Variants in ZNF519 observed in about 807,000 individuals in gnomAD.
ZNF519 encodes the protein zinc finger protein 519.
ZNF519 carries 7 observed loss-of-function variants against 7.4 expected under a neutral mutation model. That is an observed-to-expected ratio of 0.94 (90% CI 0.54 to 1.77). ZNF519 has a LOEUF of 1.77. ZNF519 is among the 40% of genes most tolerant of loss of function. The pLI, the probability that ZNF519 is intolerant of heterozygous loss-of-function variation, is 0.00. For missense variants in ZNF519, 586 were observed against 623.1 expected (o/e 0.94, Z 0.63); for synonymous variants, 179 against 203.3 (o/e 0.88, Z 1.02).
intron 2 of ZNF519, among the ~76,000 whole-genome samples, chr18:14,112,168 C>G (rs1036582946): frequency 1.3e-5 from 2 of 152,086 alleles, no homozygotes; most frequent in African/African-American, 4.8e-5. Flanking sequence ...TGCAAAGATA[C>G]TTCAACATAT....
Position 14,100,943 on chromosome 18 carries a change from T to C in ZNF519, c.*3974A>G, listed in dbSNP as rs905061312. 6.6e-6 allele frequency: 1 copy of C among 152,222 alleles called. No individual in the cohort carries two copies. The highest frequency in any genetic ancestry group is 6.5e-5 in the Admixed American group (1 of 15,270). The allele number at this position is 152,222 out of a possible 1,614,324, so 9.4% of individuals were successfully genotyped here. On this transcript the variant is annotated 3_prime_UTR_variant, in exon 3 of 3. Coordinates refer to ENST00000590202, the MANE Select transcript of ZNF519 (RefSeq NM_145287.4). The stretch of plus-strand genomic sequence containing the variant: ...AACCAATCTATTCCCTCAGCAGTGC[T>C]TTCTACAAGGCCAAGTCTGAAGTAC...
chr18:14,132,355 T>G lies in ZNF519; in HGVS notation c.-78A>C. 1 of 1,565,072 alleles carries G rather than the reference T, an allele frequency of 6.4e-7. No individual in the cohort carries two copies. Among genetic ancestry groups the G allele is most frequent in the Non-Finnish European group, 8.8e-7 (1 of 1,137,122 alleles). On this transcript the variant is annotated 5_prime_UTR_variant, in exon 1 of 3. Coordinates refer to ENST00000590202, the MANE Select transcript of ZNF519 (RefSeq NM_145287.4). ...GCAGGTCACAGAGCGACGGAGTGAG[T>G]GGCAGAATCACCGAAGTCTCCCGGA... is the stretch of plus-strand genomic sequence containing the variant.
chr18:14,088,421 T>A (rs1396612959), intron 2 of ZNF519, among the ~76,000 whole-genome samples: 2 of 152,184 alleles, frequency 1.3e-5, no homozygotes, highest in Non-Finnish European at 2.9e-5. Context: ...CACTTTACCA[T>A]CATATTCTTT....
At position 14,124,545 on chromosome 18, in the gene ZNF519, G is replaced by C. The variant is rs2046287344; in HGVS notation, c.4-69C>G. On this transcript the variant is annotated intron_variant, in intron 1 of 2. Transcript: ENST00000590202. Reference sequence around the variant, plus strand: ...GAGATGAAATGAGTTAAAATAACTAGTTCTGACTTATGTGGCTGACTAGGA... The same window carrying C: ...GAGATGAAATGAGTTAAAATAACTACTTCTGACTTATGTGGCTGACTAGGA... 13 of 1,547,760 alleles carry C rather than the reference G, an allele frequency of 8.4e-6. No homozygotes were observed. In the East Asian group the frequency reaches 2.9e-4, roughly 35 times the overall value.
At chr18:14,114,406 T>C (rs1474511678) in intron 2 of ZNF519, among the ~76,000 whole-genome samples, 1 of 152,202 alleles carries the variant, frequency 6.6e-6, no homozygotes, top group Non-Finnish European at 1.5e-5. Flanking sequence ...CTTTCCTCAA[T>C]ATATATTCTT....
At chr18:14,088,367 T>C (rs1003652569) in intron 2 of ZNF519, among the ~76,000 whole-genome samples, 1 of 152,164 alleles carries the variant, frequency 6.6e-6, no homozygotes, top group Non-Finnish European at 1.5e-5. Context: ...CCCTGATCAA[T>C]AACAAAACAA....
chr18:14,077,081 A>T (rs1000466567), exon 5 of ZNF519: 3 of 152,224 alleles, frequency 2.0e-5, no homozygotes, highest in Admixed American at 1.3e-4. Flanking sequence ...GCAGCTGGGA[A>T]ATTAATTCCA....
rs747473170 is a variant in ZNF519, at chr18:14,100,667, G to A, written c.*4250C>T. 2.0e-5 allele frequency: 3 copies of A among 152,236 alleles called. No homozygotes were observed. Among genetic ancestry groups the A allele is most frequent in the Non-Finnish European group, 4.4e-5 (3 of 68,040 alleles). The allele number at this position is 152,236 out of a possible 1,614,324, so 9.4% of individuals were successfully genotyped here. ...TAATGGTTTCAAAGAATCAGAATCA[G>A]AGTGGGTATGGTGGGGAGAAGGGAA... On this transcript the variant is annotated 3_prime_UTR_variant, in exon 3 of 3. Coordinates refer to ENST00000590202, the MANE Select transcript of ZNF519 (RefSeq NM_145287.4).
At chr18:14,088,585 G>A (rs980390989) in intron 2 of ZNF519, among the ~76,000 whole-genome samples, 16 of 152,156 alleles carry the variant, frequency 1.1e-4, no homozygotes, top group Non-Finnish European at 2.2e-4. Flanking sequence ...AGTTAAAAAT[G>A]AGTTCTGGCA....
chr18:14,123,707 C>A (rs1191247938), intron 2 of ZNF519, among the ~76,000 whole-genome samples: 1 of 151,662 alleles, frequency 6.6e-6, no homozygotes, highest in East Asian at 2.0e-4. Flanking sequence ...CAAAGCAAGA[C>A]TCCGTTTGCA....
In ZNF519 at chr18:14,106,250, C is replaced by T. The variant is rs1598516290; in HGVS notation, c.290G>A (p.Cys97Tyr). ...SIGEGEGQKE[C>Y]YNLCSQYLTT... Reference sequence around the variant, plus strand: ...CAAATATTGGCTACATAGATTATAACATTCCTTTTGTCCTTCACCTTCACC... The same window carrying T: ...CAAATATTGGCTACATAGATTATAATATTCCTTTTGTCCTTCACCTTCACC... Residue 97 changes from cysteine to tyrosine, a missense_variant, in exon 3 of 3, where the codon TGT becomes TAT. By Grantham distance (194) the Cys-to-Tyr change is radical. Transcript: ENST00000590202. 2 of 1,613,530 alleles carry T rather than the reference C, an allele frequency of 1.2e-6. No individual in the cohort carries two copies.
At chr18:14,114,262 C>G (rs1207215752) in intron 2 of ZNF519, among the ~76,000 whole-genome samples, 2 of 152,060 alleles carry the variant, frequency 1.3e-5, no homozygotes, top group African/African-American at 4.8e-5. Context: ...ATAGTACTTT[C>G]ATAGTTTTGG....
intron 2 of ZNF519, among the ~76,000 whole-genome samples, chr18:14,123,418 T>A (rs562181197): frequency 6.6e-6 from 1 of 152,154 alleles, no homozygotes; most frequent in East Asian, 1.9e-4. Flanking sequence ...TACTATCGAA[T>A]CAAAAATAAC....
At chr18:14,081,965 T>A (rs2046072314) in intron 3 of ZNF519, among the ~76,000 whole-genome samples, 1 of 152,006 alleles carries the variant, frequency 6.6e-6, no homozygotes, top group South Asian at 2.1e-4. Context: ...TATATTATAT[T>A]AGGTTATTTA....
chr18:14,117,499 A>C (rs1446126845), intron 2 of ZNF519, among the ~76,000 whole-genome samples: 1 of 152,210 alleles, frequency 6.6e-6, no homozygotes, highest in African/African-American at 2.4e-5. Flanking sequence ...CTGGGCATCT[A>C]ATCAAAATAT....
chr18:14,095,743 A>G (rs1383449166), downstream of ZNF519, among the ~76,000 whole-genome samples: 1 of 152,212 alleles, frequency 6.6e-6, no homozygotes, highest in Non-Finnish European at 1.5e-5. Flanking sequence ...GCTGTAAGAC[A>G]AAGTCCTGCA....
At chr18:14,098,515 T>G (rs2046146942), downstream of ZNF519, among the ~76,000 whole-genome samples, 1 of 151,930 alleles carries the variant, frequency 6.6e-6, no homozygotes, top group South Asian at 2.1e-4. Flanking sequence ...GATGGCTGCC[T>G]CCTGTCAGGG....
At position 14,101,410 on chromosome 18, in the gene ZNF519, G is replaced by C. The variant is rs754624559; in HGVS notation, c.*3507C>G. ...GCAAAAACACTCATGGTCATAACAT[G>C]AAGTGAAAGTAAAATATAAATAATT... On this transcript the variant is annotated 3_prime_UTR_variant, in exon 3 of 3. Transcript: ENST00000590202. The C allele has an allele frequency of 3.1e-6, 1 of 327,748 alleles. No individual in the cohort carries two copies. The highest frequency in any genetic ancestry group is 5.5e-6 in the Non-Finnish European group (1 of 181,878). 20.3% of individuals were successfully genotyped at this position (327,748 alleles called of 1,614,324 possible).
chr18:14,121,697 T>A (rs1178006080), intron 2 of ZNF519: 2 of 152,174 alleles, frequency 1.3e-5, no homozygotes, highest in African/African-American at 4.8e-5. Context: ...CTAAGAACTA[T>A]CAACATTAAG....
Sources: allele counts gnomAD v4.1 joint callset (sites outside exome capture counted in the v4.1 genomes callset), GRCh38; gene constraint gnomAD v4.1.1; transcripts MANE v1.5; gene names NCBI Gene and HGNC (gene_info 2026-07-23, HGNC 2026-07-21).